Variants in SH3BP4 observed in about 807,000 individuals in gnomAD.
SH3BP4 encodes the protein SH3 domain-binding protein 4.
A neutral mutation model predicts 65.5 loss-of-function variants in SH3BP4; 33 were observed. The observed-to-expected ratio is 0.50, with a 90% confidence interval of 0.38 to 0.67. SH3BP4 has a LOEUF of 0.67. Ranked by LOEUF, SH3BP4 falls within the 30% of genes least tolerant of loss-of-function variation. The probability of loss-of-function intolerance (pLI) is 0.00; values close to 1 mark genes in which losing one functional copy is unlikely to be tolerated. For synonymous variants in SH3BP4, 552 were observed against 545.5 expected (o/e 1.01, Z -0.17); for missense variants, 1,134 against 1,261.4 (o/e 0.90, Z 1.53).
intron 2 of SH3BP4, among the ~76,000 whole-genome samples, chr2:235,011,594 G>A (rs779561858): frequency 2.2e-4 from 33 of 152,216 alleles, no homozygotes; most frequent in Non-Finnish European, 3.7e-4. Flanking sequence ...GCTCTCATCT[G>A]TGTCTTTGTC....
Position 235,049,215 on chromosome 2 carries a change from G to T in SH3BP4, c.2479-3347G>T, listed in dbSNP as rs140563269. On this transcript the variant is annotated intron_variant, in intron 4 of 5. Transcript: ENST00000392011. ...GGCTGCCCCTGGATGGAGTCCAGGC[G>T]CTCTCCTTCCCAGGGGCCAGAGAAC... Among the ~76,000 whole-genome samples, 3 of 152,232 alleles carry T rather than the reference G, an allele frequency of 2.0e-5. No homozygotes were observed. The East Asian group carries it at 5.8e-4, about 29-fold the overall frequency.
rs184728383 is a variant in SH3BP4, at chr2:235,000,223, C to T, written c.-133+4847C>T. Among the ~76,000 whole-genome samples the T allele has an allele frequency of 1.6e-4, 24 of 152,296 alleles. No individual in the cohort carries two copies. The East Asian group carries it at 4.2e-3, about 27-fold the overall frequency. On this transcript the variant is annotated intron_variant, in intron 2 of 5. Coordinates refer to ENST00000392011, the MANE Select transcript of SH3BP4 (RefSeq NM_014521.3). ...CCCTCCTTCCCTTCTTCCTTCCTTT[C>T]GGAACTCCCTACAACCCTATCACGT...
At chr2:234,992,977 G>T (rs951829289) in intron 1 of SH3BP4, among the ~76,000 whole-genome samples, 1 of 151,842 alleles carries the variant, frequency 6.6e-6, no homozygotes. Flanking sequence ...GGAGATGGAT[G>T]TGTTCCTGCC....
Position 235,034,228 on chromosome 2 carries a change from C to A in SH3BP4, c.-132-643C>A, listed in dbSNP as rs1394642243. ...CTCTTCCACGGAAAGATCTTTCCTGCTTAGTAACAGTGGTTCAGTAAATAT... is the reference window on the plus strand; with the variant it reads ...CTCTTCCACGGAAAGATCTTTCCTGATTAGTAACAGTGGTTCAGTAAATAT... On this transcript the variant is annotated intron_variant, in intron 2 of 5. Coordinates refer to ENST00000392011, the MANE Select transcript of SH3BP4 (RefSeq NM_014521.3). The surrounding 1 kb of genome is among the most constrained non-coding windows in gnomAD (Gnocchi z 6.2). Among the ~76,000 whole-genome samples, 2 of 152,174 alleles carry A rather than the reference C, an allele frequency of 1.3e-5. No individual in the cohort carries two copies. The highest frequency in any genetic ancestry group is 1.9e-4 in the East Asian group (1 of 5,190).
intron 2 of SH3BP4, among the ~76,000 whole-genome samples, chr2:235,002,327 G>T (rs1394492202): frequency 6.6e-6 from 1 of 152,126 alleles, no homozygotes; most frequent in Non-Finnish European, 1.5e-5. Context: ...AGCTGTCTTG[G>T]GTTTGTTATG....
intron 1 of SH3BP4, among the ~76,000 whole-genome samples, chr2:234,982,956 A>G (rs1693432488): frequency 2.0e-5 from 3 of 152,190 alleles, no homozygotes; most frequent in Non-Finnish European, 4.4e-5. Context: ...TGGTGGAGAG[A>G]TGCAGCTGAG....
intron 2 of SH3BP4, among the ~76,000 whole-genome samples, chr2:235,002,008 G>A (rs1475633768): frequency 6.6e-6 from 1 of 151,560 alleles, no homozygotes. Context: ...TTACAGGTGT[G>A]CGCCACCACA....
At chr2:235,043,297 C>G (rs1255086483) in intron 4 of SH3BP4, 50 bp downstream of exon 4, 1 of 1,444,202 alleles carries the variant, frequency 6.9e-7, no homozygotes, top group African/African-American at 1.4e-5. Flanking sequence ...CTCAGCAAAG[C>G]CTTTCCGCCT....
At chr2:234,981,331 G>A (rs1433505408) in intron 1 of SH3BP4, among the ~76,000 whole-genome samples, 2 of 152,084 alleles carry the variant, frequency 1.3e-5, no homozygotes, top group African/African-American at 2.4e-5. Context: ...CCCGTCTGTG[G>A]CTCCCCCTCT....
intron 3 of SH3BP4, among the ~76,000 whole-genome samples, chr2:235,039,452 CCTTT>C (rs1429841211): frequency 6.6e-6 from 1 of 150,826 alleles, no homozygotes; most frequent in Admixed American, 6.6e-5. Context: ...AAAACGGATT[CCTTT>C]CTTTGGTCAT....
intron 1 of SH3BP4, among the ~76,000 whole-genome samples, chr2:234,980,752 C>G (rs1407693091): frequency 6.6e-6 from 1 of 152,098 alleles, no homozygotes; most frequent in Admixed American, 6.6e-5. Context: ...GGGGGATGGT[C>G]TGATGGGTGT....
At chr2:235,022,101 T>C (rs1694860842) in intron 2 of SH3BP4, among the ~76,000 whole-genome samples, 1 of 152,200 alleles carries the variant, frequency 6.6e-6, no homozygotes, top group African/African-American at 2.4e-5. Flanking sequence ...AAAGGAAAGA[T>C]TGATATGATT....
At chr2:235,002,616 C>T (rs928647158) in intron 2 of SH3BP4, among the ~76,000 whole-genome samples, 6 of 152,214 alleles carry the variant, frequency 3.9e-5, no homozygotes, top group African/African-American at 1.4e-4. Flanking sequence ...TCCCCAACTA[C>T]TCAGGAGGCT....
At chr2:234,985,996 C>CT (rs1290400310) in intron 1 of SH3BP4, among the ~76,000 whole-genome samples, 4 of 150,958 alleles carry the variant, frequency 2.6e-5, no homozygotes, top group South Asian at 2.1e-4. Context: ...GAACCAGCCT[C>CT]TGACACTCAT....
At position 235,046,388 on chromosome 2, in the gene SH3BP4, G is replaced by A. The variant is rs1695860283; in HGVS notation, c.2478+3141G>A. ...ATTCAAGACCAGCCTGAGCAACATA[G>A]TGAGGCTTCATCTCTCCAATTTTTT... On this transcript the variant is annotated intron_variant, in intron 4 of 5. Coordinates refer to ENST00000392011, the MANE Select transcript of SH3BP4 (RefSeq NM_014521.3). This position sits in a 1 kb window ranked among gnomAD's most constrained non-coding sequence, Gnocchi z 4.2. Among the ~76,000 whole-genome samples the A allele has an allele frequency of 6.6e-6, 1 of 152,016 alleles. No homozygotes were observed. Among genetic ancestry groups the A allele is most frequent in the Non-Finnish European group, 1.5e-5 (1 of 68,012 alleles).
At chr2:235,009,359 A>G (rs2106293395) in intron 2 of SH3BP4, among the ~76,000 whole-genome samples, 1 of 152,298 alleles carries the variant, frequency 6.6e-6, no homozygotes, top group Non-Finnish European at 1.5e-5. Flanking sequence ...GGGATGGTTG[A>G]AAGGACCAAA....
chr2:235,048,162 G>T (rs1001138067), intron 4 of SH3BP4, among the ~76,000 whole-genome samples: 4 of 152,132 alleles, frequency 2.6e-5, no homozygotes, highest in African/African-American at 9.7e-5. Flanking sequence ...CAAAGCCAGA[G>T]CCTGTGGCTG....
chr2:235,042,029 G>A lies in SH3BP4; in HGVS notation c.1260G>A (p.Ser420=), dbSNP rs200430545. 3.6e-5 allele frequency: 58 copies of A among 1,614,060 alleles called. No homozygotes were observed. The Admixed American group carries it at 8.0e-4, about 22-fold the overall frequency. Residue 420 remains serine (S), a synonymous_variant, in exon 4 of 6, where the codon TCG becomes TCA. Coordinates refer to ENST00000392011, the MANE Select transcript of SH3BP4 (RefSeq NM_014521.3). This position sits in a 1 kb window ranked among gnomAD's most constrained non-coding sequence, Gnocchi z 7.3. The part of the protein sequence containing the change: ...TVGLQCLRSD[S]KEGPYVSVPL... ...GCCTCCAGTGCCTGAGGAGCGACTC[G>A]AAGGAAGGGCCATATGTCTCCGTCC...
At chr2:234,969,372 G>A (rs1016042790) in intron 1 of SH3BP4, among the ~76,000 whole-genome samples, 16 of 152,166 alleles carry the variant, frequency 1.1e-4, no homozygotes, top group Non-Finnish European at 2.4e-4. Flanking sequence ...GAAGTTGCAT[G>A]TCATCACGTG....
Sources: allele counts gnomAD v4.1 joint callset (sites outside exome capture counted in the v4.1 genomes callset), GRCh38; gene constraint gnomAD v4.1.1; non-coding constraint Gnocchi (gnomAD v3.1); transcripts MANE v1.5; gene names NCBI Gene and HGNC (gene_info 2026-07-23, HGNC 2026-07-21).